Variants in AGR2 observed in about 807,000 individuals in gnomAD.
AGR2 encodes the protein anterior gradient protein 2 homolog.
A neutral mutation model predicts 25.9 loss-of-function variants in AGR2; 27 were observed. That is an observed-to-expected ratio of 1.04 (90% CI 0.77 to 1.44). The LOEUF is 1.44. Among genes scored for constraint, AGR2 ranks in the 40% most tolerant of loss-of-function variants. The probability of loss-of-function intolerance (pLI) is 0.00; values close to 1 mark genes in which losing one functional copy is unlikely to be tolerated. For synonymous variants in AGR2, 78 were observed against 72.0 expected, an observed-to-expected ratio of 1.08 and a Z score of -0.42; for missense variants, 182 against 200.9, an observed-to-expected ratio of 0.91 and a Z score of 0.57.
Position 16,792,800 on chromosome 7 carries a change from C to G in AGR2, c.*108G>C. The G allele has an allele frequency of 9.9e-7, 1 of 1,005,830 alleles. No homozygotes were observed. The highest frequency in any genetic ancestry group is 1.6e-5 in the African/African-American group (1 of 62,424). The allele number at this position is 1,005,830 out of a possible 1,614,324, so 62.3% of individuals were successfully genotyped here. ...TAGTTGTTGTAACATTAAACCATAA[C>G]CTAATCAGTGTGTTCACTATGCTTC... On this transcript the variant is annotated 3_prime_UTR_variant, in exon 8 of 8. Coordinates refer to ENST00000419304, the MANE Select transcript of AGR2 (RefSeq NM_006408.4).
In AGR2 at chr7:16,799,806, C is replaced by T. The variant is rs372209181; in HGVS notation, c.268G>A (p.Val90Met). 5.6e-5 allele frequency: 90 copies of T among 1,610,368 alleles called. No individual in the cohort carries two copies. Among genetic ancestry groups the T allele is most frequent in the African/African-American group, 2.7e-5 (2 of 74,832 alleles). Reference sequence around the variant, plus strand: ...TGGATTTCTTTATTTTCAGCAAACACTTTCTTTAAAGCTATAATATAAAGA... The same window carrying T: ...TGGATTTCTTTATTTTCAGCAAACATTTTCTTTAAAGCTATAATATAAAGA... ...ECPHSQALKK[V>M]FAENKEIQKL... is the part of the protein sequence containing the mutation. The change falls in exon 5 of 8, where the codon GTG becomes ATG. Residue 90 changes from valine to methionine, a missense_variant. By Grantham distance (21) the Val-to-Met change is conservative (BLOSUM62 1). Transcript: ENST00000419304.
chr7:16,797,005 T>C (rs1321548452), intron 6 of AGR2, among the ~76,000 whole-genome samples: 5 of 151,938 alleles, frequency 3.3e-5, no homozygotes, highest in African/African-American at 4.8e-5. Context: ...CACTGCAACC[T>C]CTGCCTCTTG....
intron 1 of AGR2, among the ~76,000 whole-genome samples, chr7:16,804,283 C>CAT (rs1785198176): frequency 6.7e-6 from 1 of 148,796 alleles, no homozygotes; most frequent in African/African-American, 2.5e-5. Flanking sequence ...CACACACACA[C>CAT]ACACACACAC....
At chr7:16,801,898 A>G (rs2115360491) in intron 1 of AGR2, 95 bp from the exon 2 acceptor site, 12 of 1,068,336 alleles carry the variant, frequency 1.1e-5, no homozygotes, top group African/African-American at 1.6e-5. Flanking sequence ...TATACCAGAA[A>G]CTGAGGCTCT....
chr7:16,800,167 C>T (rs1307077080), intron 4 of AGR2, among the ~76,000 whole-genome samples: 2 of 152,096 alleles, frequency 1.3e-5, no homozygotes, highest in African/African-American at 2.4e-5. Context: ...GGGAGACAAA[C>T]CATAAACAAA....
intron 4 of AGR2, 36 bp downstream of exon 4, chr7:16,801,114 GC>G: frequency 1.9e-6 from 3 of 1,579,956 alleles, no homozygotes; most frequent in Non-Finnish European, 2.6e-6. Flanking sequence ...AAGGCTAAAA[GC>G]CTATAAAGGA....
At chr7:16,802,548 T>C (rs1004927261) in intron 1 of AGR2, among the ~76,000 whole-genome samples, 6 of 152,240 alleles carry the variant, frequency 3.9e-5, no homozygotes, top group African/African-American at 1.4e-4. Context: ...CTATTGGAAG[T>C]AAAAACCAGA....
chr7:16,803,659 T>C (rs1785185104), intron 1 of AGR2, among the ~76,000 whole-genome samples: 2 of 152,362 alleles, frequency 1.3e-5, no homozygotes, highest in Middle Eastern at 3.4e-3. Context: ...ACTTTGTTCA[T>C]TTTCTATACC....
At chr7:16,801,258 A>G (rs1785137790) in intron 3 of AGR2, 55 bp from the exon 4 acceptor site, 1 of 1,607,272 alleles carries the variant, frequency 6.2e-7, no homozygotes, top group Non-Finnish European at 8.5e-7. Flanking sequence ...ACATATATCT[A>G]GATGTCACTA....
intron 4 of AGR2, 45 bp from the exon 5 acceptor site, chr7:16,799,862 T>C (rs1785112351): frequency 1.5e-6 from 2 of 1,327,646 alleles, no homozygotes; most frequent in East Asian, 2.3e-5. Context: ...TTAGCATTGG[T>C]TAAAAGCTTT....
chr7:16,802,427 C>T (rs990103880), intron 1 of AGR2, among the ~76,000 whole-genome samples: 37 of 152,052 alleles, frequency 2.4e-4, no homozygotes, highest in African/African-American at 8.2e-4. Flanking sequence ...CTGAACCTAC[C>T]GTAAATGTGC....
chr7:16,799,913 A>G (rs1785113142), intron 4 of AGR2, 96 bp from the exon 5 acceptor site: 1 of 841,002 alleles, frequency 1.2e-6, no homozygotes, highest in Non-Finnish European at 1.9e-6. Context: ...TACTTATTGA[A>G]TTGCATTTTA....
chr7:16,793,562 G>A (rs796331261), intron 7 of AGR2, among the ~76,000 whole-genome samples: 7 of 152,314 alleles, frequency 4.6e-5, no homozygotes, highest in African/African-American at 1.7e-4. Context: ...TTTAAATCAT[G>A]TTTAAAAGAA....
intron 7 of AGR2, among the ~76,000 whole-genome samples, chr7:16,793,539 A>G (rs897829367): frequency 8.5e-5 from 13 of 152,360 alleles, no homozygotes; most frequent in African/African-American, 3.1e-4. Context: ...ATTTTGGCTC[A>G]TTTAGAAGTA....
intron 4 of AGR2, among the ~76,000 whole-genome samples, chr7:16,800,089 C>T (rs1785116062): frequency 6.6e-6 from 1 of 152,108 alleles, no homozygotes; most frequent in African/African-American, 2.4e-5. Context: ...GCACTGTGTT[C>T]TGTACTAGGG....
chr7:16,800,784 AC>A (rs1583809088), intron 4 of AGR2, among the ~76,000 whole-genome samples: 1 of 152,250 alleles, frequency 6.6e-6, no homozygotes, highest in East Asian at 1.9e-4. Context: ...CCAAGTTTAA[AC>A]CAAGTTTGGG....
At chr7:16,795,957 G>A (rs528856760) in intron 6 of AGR2, among the ~76,000 whole-genome samples, 1 of 152,298 alleles carries the variant, frequency 6.6e-6, no homozygotes, top group African/African-American at 2.4e-5. Flanking sequence ...TCTGTTTGGT[G>A]CAGAGGATAC....
chr7:16,793,813 A>G (rs1262870238), intron 7 of AGR2, among the ~76,000 whole-genome samples: 3 of 152,198 alleles, frequency 2.0e-5, no homozygotes, highest in Non-Finnish European at 4.4e-5. Flanking sequence ...TTCAACAGCA[A>G]TTCATCAAAA....
In AGR2 at chr7:16,792,766, C is replaced by T. The variant is rs1051894; in HGVS notation, c.*142G>A. The T allele has an allele frequency of 1.3e-6, 1 of 796,204 alleles. No homozygotes were observed. The highest frequency in any genetic ancestry group is 1.8e-5 in the African/African-American group (1 of 57,018). 49.3% of individuals were successfully genotyped at this position (796,204 alleles called of 1,614,324 possible). ...AACCAAATTTCTAAAACTTGTTTTT[C>T]TTAAAAAATAGTTGTTGTAACATTA... On this transcript the variant is annotated 3_prime_UTR_variant, in exon 8 of 8. Coordinates refer to ENST00000419304, the MANE Select transcript of AGR2 (RefSeq NM_006408.4).
Sources: gnomAD v4.1 joint callset for allele counts (sites outside exome capture counted in the v4.1 genomes callset) on GRCh38, gnomAD v4.1.1 for gene constraint, MANE v1.5 for transcripts, NCBI Gene and HGNC (gene_info 2026-07-23, HGNC 2026-07-21) for gene names.